Variants in TRPM3 observed in about 807,000 individuals in gnomAD.
TRPM3 encodes the protein long transient receptor potential channel 3.
Under a neutral mutation model 181.2 loss-of-function variants are expected in TRPM3, and 77 were observed. The ratio of observed to expected loss-of-function variants is 0.42; its 90% CI spans 0.35 to 0.51. TRPM3 has a LOEUF of 0.51. Ranked by LOEUF, TRPM3 falls within the 20% of genes least tolerant of loss-of-function variation. The pLI is 0.01. For missense variants in TRPM3, 1,759 were observed against 2,196.7 expected, an observed-to-expected ratio of 0.80 and a Z score of 3.98; for synonymous variants, 745 against 796.4, an observed-to-expected ratio of 0.94 and a Z score of 1.09.
At chr9:71,177,850 C>T (rs974523399) in intron 1 of TRPM3, among the ~76,000 whole-genome samples, 1 of 148,982 alleles carries the variant, frequency 6.7e-6, no homozygotes, top group South Asian at 2.1e-4. Context: ...ATGAGGTTTT[C>T]ATTTTCTGTT....
Position 70,830,215 on chromosome 9 carries a change from A to C in TRPM3, c.802-2197T>G, listed in dbSNP as rs1490422583. Among the ~76,000 whole-genome samples the C allele has an allele frequency of 3.9e-5, 6 of 152,366 alleles. 1 individual carries two copies. In the South Asian group the frequency reaches 1.2e-3, roughly 32 times the overall value. ...TTAATTCCTATGAACATATTTAAAGACTATCAGTGAAAGTGAAATTTTCAA... is the reference window on the plus strand; with the variant it reads ...TTAATTCCTATGAACATATTTAAAGCCTATCAGTGAAAGTGAAATTTTCAA... On this transcript the variant is annotated intron_variant, in intron 5 of 25. Coordinates refer to ENST00000677713, the MANE Select transcript of TRPM3 (RefSeq NM_001366145.2).
At chr9:71,332,967 C>A (rs1456251051) in intron 1 of TRPM3, among the ~76,000 whole-genome samples, 2 of 151,828 alleles carry the variant, frequency 1.3e-5, no homozygotes, top group East Asian at 3.9e-4. Context: ...CACAGAACTT[C>A]CAAAACATGG....
chr9:71,325,688 G>A (rs2089628148), intron 1 of TRPM3, among the ~76,000 whole-genome samples: 1 of 151,890 alleles, frequency 6.6e-6, no homozygotes, highest in African/African-American at 2.4e-5. Flanking sequence ...AACCTACAAA[G>A]GCATAAACTC....
intron 3 of TRPM3, among the ~76,000 whole-genome samples, chr9:70,850,311 G>T (rs1301897529): frequency 6.6e-6 from 1 of 152,114 alleles, no homozygotes; most frequent in Non-Finnish European, 1.5e-5. Context: ...AGAAGAGGGG[G>T]TACTGGAGTA....
In TRPM3 at chr9:70,684,496, A is replaced by G. The variant is rs545823510; in HGVS notation, c.1273-2918T>C. ...GTTACATTATAATCTTGCCTGGACT[A>G]ACCTGAGATATTATGTATTCATCAC... On this transcript the variant is annotated intron_variant, in intron 8 of 25. Coordinates refer to ENST00000677713, the MANE Select transcript of TRPM3 (RefSeq NM_001366145.2). Among the ~76,000 whole-genome samples, 31 of 152,308 alleles carry G rather than the reference A, an allele frequency of 2.0e-4. No homozygotes were observed. The Middle Eastern group carries it at 0.014, about 67-fold the overall frequency.
chr9:70,963,584 A>T (rs1421457562), intron 1 of TRPM3, among the ~76,000 whole-genome samples: 1 of 152,104 alleles, frequency 6.6e-6, no homozygotes, highest in African/African-American at 2.4e-5. Flanking sequence ...ACTTCGAGGT[A>T]TGCATTGATA....
At chr9:71,224,560 G>A (rs1338697226) in intron 1 of TRPM3, among the ~76,000 whole-genome samples, 2 of 151,980 alleles carry the variant, frequency 1.3e-5, no homozygotes, top group Non-Finnish European at 2.9e-5. Flanking sequence ...AACTAAATAA[G>A]GGACCAAGGG....
At chr9:71,429,734 A>G (rs1479940713) in intron 1 of TRPM3, among the ~76,000 whole-genome samples, 2 of 152,108 alleles carry the variant, frequency 1.3e-5, no homozygotes, top group Non-Finnish European at 2.9e-5. Flanking sequence ...CAGTCCCCCA[A>G]TTCATAGATT....
intron 8 of TRPM3, among the ~76,000 whole-genome samples, chr9:70,739,335 G>A (rs191087315): frequency 5.3e-5 from 8 of 152,220 alleles, no homozygotes; most frequent in South Asian, 2.1e-4. Context: ...TATGCAAGTC[G>A]ATAAATGTGA....
rs193073573 is a variant in TRPM3 at position 71,146,278 on chromosome 9, G to A, written c.184-281767C>T. 7.2e-3 allele frequency among the ~76,000 whole-genome samples: 1,093 copies of A among 152,234 alleles called. 7 individuals are homozygous for A. Among genetic ancestry groups the A allele is most frequent in the Middle Eastern group, 0.054 (16 of 294 alleles). On this transcript the variant is annotated intron_variant, in intron 1 of 24. Transcript: ENST00000357533. ...GGAGCTTTCGAATCACCGTGGTGCC[G>A]TTTGCAGTTTCAGCCAAAGCCCCTA...
intron 1 of TRPM3, among the ~76,000 whole-genome samples, chr9:71,160,295 C>A (rs1481993911): frequency 5.9e-5 from 9 of 152,096 alleles, no homozygotes; most frequent in Non-Finnish European, 1.0e-4. Flanking sequence ...AAGGGACTCC[C>A]AATCCCTTCA....
chr9:70,827,759 T>G, intron 6 of TRPM3, 88 bp downstream of exon 6: 1 of 1,469,952 alleles, frequency 6.8e-7, no homozygotes, highest in Admixed American at 2.0e-5. Context: ...GCTCAAGTTT[T>G]TATTACATTG....
chr9:71,213,704 G>A (rs1225754549), intron 1 of TRPM3, among the ~76,000 whole-genome samples: 1 of 152,146 alleles, frequency 6.6e-6, no homozygotes, highest in African/African-American at 2.4e-5. Flanking sequence ...ATATTAGGAG[G>A]TGGTGATATT....
intron 1 of TRPM3, among the ~76,000 whole-genome samples, chr9:71,170,279 T>C (rs1161898791): frequency 1.3e-5 from 2 of 152,006 alleles, no homozygotes; most frequent in East Asian, 3.9e-4. Context: ...GGACAGGGAA[T>C]GAGGTGAATA....
intron 1 of TRPM3, among the ~76,000 whole-genome samples, chr9:71,251,116 AAG>A (rs1021536681): frequency 4.2e-4 from 64 of 152,302 alleles, no homozygotes; most frequent in African/African-American, 1.5e-3. Flanking sequence ...TTGTTTTTCT[AAG>A]AGAAAAATGA....
At chr9:71,218,518 A>C (rs1181993114) in intron 1 of TRPM3, among the ~76,000 whole-genome samples, 1 of 152,184 alleles carries the variant, frequency 6.6e-6, no homozygotes, top group Admixed American at 6.5e-5. Context: ...TTATCTATGA[A>C]ATTTGCCAAG....
intron 1 of TRPM3, among the ~76,000 whole-genome samples, chr9:71,311,293 G>A (rs1345865694): frequency 6.6e-6 from 1 of 152,044 alleles, no homozygotes; most frequent in Non-Finnish European, 1.5e-5. Context: ...TTTAACATGA[G>A]AGCAACATGT....
chr9:70,680,193 T>A (rs1205425642), intron 9 of TRPM3, among the ~76,000 whole-genome samples: 1 of 152,216 alleles, frequency 6.6e-6, no homozygotes, highest in Non-Finnish European at 1.5e-5. Context: ...AGGCCAAGCT[T>A]GCTAATTAGC....
chr9:70,676,279 GTACGAATGAA>G (rs372970063), intron 9 of TRPM3, among the ~76,000 whole-genome samples: 4,326 of 152,294 alleles, frequency 0.028, 76 homozygotes, highest in Middle Eastern at 0.054. Flanking sequence ...CAGTGCACAT[GTACGAATGAA>G]ACTATACAGT....
Sources: allele counts gnomAD v4.1 joint callset (sites outside exome capture counted in the v4.1 genomes callset), GRCh38; gene constraint gnomAD v4.1.1; transcripts MANE v1.5; gene names NCBI Gene and HGNC (gene_info 2026-07-23, HGNC 2026-07-21).